The following CCN4 variants were observed in gnomAD, a reference collection of about 807,000 sequenced individuals.
The protein encoded by CCN4 is cellular communication network factor 4.
In CCN4, 30 loss-of-function variants were observed where a neutral mutation model predicts 36.7. The ratio of observed to expected loss-of-function variants is 0.82; its 90% confidence interval spans 0.61 to 1.11. CCN4 has a LOEUF of 1.11. CCN4 is among the 50% of genes least tolerant of loss of function. The pLI is 0.00. For synonymous variants in CCN4, 191 were observed against 195.4 expected (o/e 0.98, Z 0.19); for missense variants, 505 against 504.9 (o/e 1.00, Z 0.00).
chr8:133,217,567 G>C (rs1854364258), intron 2 of CCN4, among the ~76,000 whole-genome samples: 1 of 152,196 alleles, frequency 6.6e-6, no homozygotes, highest in African/African-American at 2.4e-5. Flanking sequence ...CCACTAGCCT[G>C]TGGTGGGCAG....
chr8:133,193,642 C>T (rs896603638), intron 1 of CCN4, among the ~76,000 whole-genome samples: 1 of 152,206 alleles, frequency 6.6e-6, no homozygotes, highest in Non-Finnish European at 1.5e-5. Context: ...ATTTATTAGG[C>T]ACATTCTACA....
chr8:133,194,166 C>T (rs2130514295), intron 1 of CCN4, among the ~76,000 whole-genome samples: 1 of 152,212 alleles, frequency 6.6e-6, no homozygotes, highest in Middle Eastern at 3.4e-3. Flanking sequence ...ACAGGTAAAA[C>T]CCACATCCTC....
chr8:133,226,435 G>A (rs932599383), intron 4 of CCN4, among the ~76,000 whole-genome samples: 5 of 152,036 alleles, frequency 3.3e-5, no homozygotes, highest in Admixed American at 2.6e-4. Flanking sequence ...TTGATCAACT[G>A]GATCCATTTT....
At chr8:133,194,445 G>GA (rs1853247832) in intron 1 of CCN4, among the ~76,000 whole-genome samples, 1 of 40,018 alleles carries the variant, frequency 2.5e-5, no homozygotes, top group Non-Finnish European at 4.2e-5. Flanking sequence ...TGTGTGTGGT[G>GA]TGTGTGTGGT....
rs1378270724 is a variant in CCN4, at chr8:133,212,930, C to T, written c.136C>T (p.Pro46Ser). The change falls in exon 2 of 5, where the codon CCC becomes TCC. Residue 46 changes from proline (P) to serine (S), a missense_variant. By Grantham distance (74) the Pro-to-Ser change is moderately conservative. Transcript: ENST00000250160. Reference sequence around the variant, plus strand: ...TCCACTGGAGGACACCTCCTCACGCCCCCAATTCTGCAAGTGGCCATGTGA... The same window carrying T: ...TCCACTGGAGGACACCTCCTCACGCTCCCAATTCTGCAAGTGGCCATGTGA... Reference protein sequence around the residue: ...PAPLEDTSSRPQFCKWPCECP... With the variant: ...PAPLEDTSSRSQFCKWPCECP... 6.2e-7 allele frequency: 1 copy of T among 1,613,616 alleles called. No individual in the cohort carries two copies. The highest frequency in any genetic ancestry group is 1.7e-5 in the Admixed American group (1 of 59,996).
At chr8:133,199,626 C>T (rs530651340) in intron 1 of CCN4, among the ~76,000 whole-genome samples, 1 of 152,244 alleles carries the variant, frequency 6.6e-6, no homozygotes, top group South Asian at 2.1e-4. Flanking sequence ...GGCAGGCGCG[C>T]GTGGAGTGAG....
rs371947572 is a variant in CCN4, at chr8:133,227,601, G to T, written c.995G>T (p.Arg332Leu). 5.0e-6 allele frequency: 8 copies of T among 1,614,050 alleles called. No individual in the cohort carries two copies. The highest frequency in any genetic ancestry group is 3.3e-5 in the Admixed American group (2 of 60,002). ...TGTCCTGATGGGCTTGGCTTCTCCC[G>T]CCAGGTCCTATGGATTAATGCCTGC... Reference protein sequence around the residue: ...FQCPDGLGFSRQVLWINACFC... With the variant: ...FQCPDGLGFSLQVLWINACFC... The change falls in exon 5 of 5, where the codon CGC becomes CTC. Residue 332 changes from arginine (R) to leucine (L), a missense_variant. By Grantham distance (102) the Arg-to-Leu change is moderately radical. Transcript: ENST00000250160.
At chr8:133,199,973 TC>T (rs1199341276) in intron 1 of CCN4, among the ~76,000 whole-genome samples, 1 of 152,096 alleles carries the variant, frequency 6.6e-6, no homozygotes, top group African/African-American at 2.4e-5. Context: ...TTTACGCACT[TC>T]CATGGCATGC....
intron 1 of CCN4, among the ~76,000 whole-genome samples, chr8:133,200,132 A>G (rs1853534275): frequency 6.6e-6 from 1 of 152,174 alleles, no homozygotes; most frequent in African/African-American, 2.4e-5. Flanking sequence ...AGATGGAGTC[A>G]CGCTCTGGGC....
chr8:133,228,729 A>G lies in CCN4; in HGVS notation c.*1019A>G, dbSNP rs1165335893. The stretch of plus-strand genomic sequence containing the variant: ...AGGTAGGGGTGTGGGTCAAACCAAG[A>G]AGTGGGTGCCCTTGGTAGCAGCCTG... On this transcript the variant is annotated 3_prime_UTR_variant, in exon 5 of 5. Transcript: ENST00000250160. 6.6e-6 allele frequency: 1 copy of G among 152,278 alleles called. No individual in the cohort carries two copies. The highest frequency in any genetic ancestry group is 2.4e-5 in the African/African-American group (1 of 41,448). 9.4% of individuals were successfully genotyped at this position (152,278 alleles called of 1,614,324 possible). A position where few individuals can be genotyped will look rare whatever the true frequency, so the allele number is the denominator to read the frequency against.
At chr8:133,194,405 T>G in intron 1 of CCN4, among the ~76,000 whole-genome samples, 1 of 82,956 alleles carries the variant, frequency 1.2e-5, no homozygotes, top group Admixed American at 1.5e-4. Flanking sequence ...TGGGGGTGTG[T>G]GTGGATTTGT....
intron 1 of CCN4, among the ~76,000 whole-genome samples, chr8:133,193,437 C>A (rs1022486197): frequency 6.6e-6 from 1 of 152,108 alleles, no homozygotes; most frequent in African/African-American, 2.4e-5. Context: ...CAGGAACAGC[C>A]GAGTGTATTT....
chr8:133,212,211 G>A (rs1048326169), intron 1 of CCN4, among the ~76,000 whole-genome samples: 8 of 152,250 alleles, frequency 5.3e-5, no homozygotes, highest in African/African-American at 1.9e-4. Context: ...CTCCATGTAG[G>A]GCTTGTGCTG....
At chr8:133,215,645 C>T (rs890201783) in intron 2 of CCN4, among the ~76,000 whole-genome samples, 1 of 152,118 alleles carries the variant, frequency 6.6e-6, no homozygotes, top group African/African-American at 2.4e-5. Flanking sequence ...CCTATCTCTG[C>T]ATCTTAGGTC....
rs1588209955 is a variant in CCN4, at chr8:133,229,180, T to C, written c.*1470T>C. 6.6e-6 allele frequency: 1 copy of C among 152,302 alleles called. No individual in the cohort carries two copies. Among genetic ancestry groups the C allele is most frequent in the South Asian group, 2.1e-4 (1 of 4,830 alleles). 9.4% of individuals were successfully genotyped at this position (152,302 alleles called of 1,614,324 possible). A position where few individuals can be genotyped will look rare whatever the true frequency, so the allele number is the denominator to read the frequency against. On this transcript the variant is annotated 3_prime_UTR_variant, in exon 5 of 5. Transcript: ENST00000250160. ...CGGAAGCTCATAGAGGTGAGAAAACTCAACCAGAGTCACCCAGTTGGTGAC... is the reference window on the plus strand; with the variant it reads ...CGGAAGCTCATAGAGGTGAGAAAACCCAACCAGAGTCACCCAGTTGGTGAC...
intron 1 of CCN4, among the ~76,000 whole-genome samples, chr8:133,205,243 C>T (rs1279508309): frequency 6.6e-6 from 1 of 152,212 alleles, no homozygotes; most frequent in Admixed American, 6.5e-5. Context: ...TCCCCATAAA[C>T]ATAGTGTTAT....
At chr8:133,214,613 C>G (rs1194065685) in intron 2 of CCN4, among the ~76,000 whole-genome samples, 1 of 152,052 alleles carries the variant, frequency 6.6e-6, no homozygotes, top group African/African-American at 2.4e-5. Context: ...CTTTATGAAA[C>G]TTTCTGACCC....
chr8:133,204,154 G>A (rs1240839809), intron 1 of CCN4, among the ~76,000 whole-genome samples: 1 of 152,070 alleles, frequency 6.6e-6, no homozygotes, highest in Non-Finnish European at 1.5e-5. Context: ...AGGACTTAGG[G>A]GTCTTATCAT....
chr8:133,210,887 T>C (rs547478785), intron 1 of CCN4, among the ~76,000 whole-genome samples: 43 of 152,152 alleles, frequency 2.8e-4, no homozygotes, highest in African/African-American at 9.9e-4. Flanking sequence ...GTGAAAAAGA[T>C]AGGAAGGGCC....
Sources: gnomAD v4.1 joint callset for allele counts (sites outside exome capture counted in the v4.1 genomes callset) on GRCh38, gnomAD v4.1.1 for gene constraint, MANE v1.5 for transcripts, NCBI Gene and HGNC (gene_info 2026-07-23, HGNC 2026-07-21) for gene names.